Variants in DMRTC1 observed in about 807,000 individuals in gnomAD.
The protein encoded by DMRTC1 is doublesex- and mab-3-related transcription factor C1.
For synonymous variants in DMRTC1, 7 were observed against 14.1 expected (o/e 0.50, Z 1.13); for missense variants, 9 against 34.6 (o/e 0.26, Z 1.86).
chrX:72,905,652 C>T lies in DMRTC1; in HGVS notation c.-94-29864G>A, dbSNP rs374813343. On this transcript the variant is annotated intron_variant, in intron 1 of 6. Transcript: ENST00000615063. ...CCTCCCGAGTAGCTGGGACTGCAGG[C>T]GCCCACGCCCGGCTAATTTTTTGTA... 2.9e-4 allele frequency among the ~76,000 whole-genome samples: 17 copies of T among 57,751 alleles called. No individual in the cohort carries two copies. The East Asian group carries it at 5.2e-3, about 18-fold the overall frequency. 50.1% of individuals were successfully genotyped at this position (57,751 alleles called of 115,157 possible). A position where few individuals can be genotyped will look rare whatever the true frequency, so the allele number is the denominator to read the frequency against.
intron 1 of DMRTC1, among the ~76,000 whole-genome samples, chrX:72,905,966 G>A (rs1556354750): frequency 9.0e-6 from 1 of 110,547 alleles, no homozygotes; most frequent in East Asian, 2.8e-4. Flanking sequence ...TTTTTGAAAA[G>A]ATAAACAAAA....
chrX:72,882,123 C>G (rs1226322536), intron 1 of DMRTC1, among the ~76,000 whole-genome samples: 15 of 79,476 alleles, frequency 1.9e-4, no homozygotes, highest in African/African-American at 7.0e-4. Flanking sequence ...TTGATTATTA[C>G]TTTGTTGGTT....
intron 1 of DMRTC1, among the ~76,000 whole-genome samples, chrX:72,916,421 T>C (rs1338927557): frequency 9.4e-6 from 1 of 106,048 alleles, no homozygotes; most frequent in African/African-American, 4.0e-5. Context: ...GGAGACACTG[T>C]ACTTGCAGTC....
intron 1 of DMRTC1, chrX:72,913,095 G>T (rs1306835671): frequency 2.1e-6 from 1 of 484,495 alleles, no homozygotes. Context: ...AAGTGCTTCA[G>T]GCGAGAGCTC....
rs1556351465 is a variant in DMRTC1, at chrX:72,874,890, C to A, written c.192G>T (p.Val64=). 8.1e-6 allele frequency: 2 copies of A among 246,015 alleles called. No homozygotes were observed. The highest frequency in any genetic ancestry group is 1.4e-4 in the South Asian group (2 of 14,599). 20.3% of individuals were successfully genotyped at this position (246,015 alleles called of 1,213,427 possible). ...PEPLSLPCTP[V]TLEQQLVSPS... is the part of the protein sequence containing the mutation. Reference sequence around the variant, plus strand: ...GAGAAACCAGTTGCTGCTCCAAGGTCACTGGAGTACAGGGCAGAGACAAAG... The same window carrying A: ...GAGAAACCAGTTGCTGCTCCAAGGTAACTGGAGTACAGGGCAGAGACAAAG... Residue 64 remains valine, a synonymous_variant, in exon 4 of 7, where the codon GTG becomes GTT. Transcript: ENST00000615063.
In DMRTC1 at chrX:72,905,973, A is replaced by T. The variant is rs1458882548; in HGVS notation, c.-94-30185T>A. On this transcript the variant is annotated intron_variant, in intron 1 of 6. Transcript: ENST00000615063. The stretch of plus-strand genomic sequence containing the variant: ...GAGTTGGTTTTTTGAAAAGATAAAC[A>T]AAATTAACAAACCTTTAGCCAGACT... 3.6e-5 allele frequency among the ~76,000 whole-genome samples: 4 copies of T among 109,930 alleles called. No homozygotes were observed. The Middle Eastern group carries it at 0.014, about 387-fold the overall frequency.
chrX:72,902,905 C>A (rs2054912146), intron 1 of DMRTC1, among the ~76,000 whole-genome samples: 1 of 63,081 alleles, frequency 1.6e-5, no homozygotes, highest in Non-Finnish European at 2.6e-5. Flanking sequence ...CAAAACCAGA[C>A]AAAGACACAC....
At chrX:72,913,528 C>G (rs2054968912) in intron 1 of DMRTC1, 1 of 403,278 alleles carries the variant, frequency 2.5e-6, no homozygotes, top group African/African-American at 2.8e-5. Flanking sequence ...GCTGTCTGCC[C>G]TCCTCGAGGC....
chrX:72,874,436 A>T (rs1217413662), intron 4 of DMRTC1, among the ~76,000 whole-genome samples: 14 of 40,714 alleles, frequency 3.4e-4, no homozygotes, highest in Non-Finnish European at 4.4e-4. Flanking sequence ...GTGGCATAAC[A>T]ACCCCCATTT....
chrX:72,906,115 G>A (rs1442963642), intron 1 of DMRTC1, among the ~76,000 whole-genome samples: 3 of 68,806 alleles, frequency 4.4e-5, no homozygotes, highest in African/African-American at 6.2e-5. Flanking sequence ...GAACAATTAC[G>A]CAGCAATAAA....
chrX:72,872,279 G>T lies in DMRTC1; in HGVS notation c.*173C>A. The T allele has an allele frequency of 6.5e-6, 2 of 306,823 alleles. No individual in the cohort carries two copies. The highest frequency in any genetic ancestry group is 1.0e-5 in the Non-Finnish European group (2 of 196,488). The allele number at this position is 306,823 out of a possible 1,213,427, so 25.3% of individuals were successfully genotyped here. On this transcript the variant is annotated 3_prime_UTR_variant, in exon 7 of 7. Coordinates refer to ENST00000615063, the MANE Select transcript of DMRTC1 (RefSeq NM_033053.3). ...GCATCCAAAAGAGTAAGGGACAGAG[G>T]TACAAGAATATCCACCCTCAGCCAA... is the stretch of plus-strand genomic sequence containing the variant.
At chrX:72,912,557 A>AG (rs1195795985) in intron 1 of DMRTC1, 14 of 261,816 alleles carry the variant, frequency 5.3e-5, no homozygotes, top group Non-Finnish European at 7.8e-5. Flanking sequence ...ACCAGGCTGT[A>AG]GGGGGGGAGG....
chrX:72,880,446 AT>A (rs2054844123), intron 1 of DMRTC1, among the ~76,000 whole-genome samples: 1 of 3,629 alleles, frequency 2.8e-4, no homozygotes, highest in Admixed American at 1.7e-3. Flanking sequence ...TGGTGTATTA[AT>A]TTTTTTGTGT....
chrX:72,872,766 G>A (rs1176673280), intron 6 of DMRTC1, among the ~76,000 whole-genome samples: 2 of 90,606 alleles, frequency 2.2e-5, no homozygotes, highest in African/African-American at 9.1e-5. Context: ...TCAAGCTCAG[G>A]GTCTCTGAAA....
intron 1 of DMRTC1, among the ~76,000 whole-genome samples, chrX:72,913,554 T>C (rs1253733286): frequency 4.8e-5 from 5 of 103,730 alleles, no homozygotes; most frequent in African/African-American, 1.8e-4. Context: ...TGCTTGTTAC[T>C]AGGTCCTGGT....
chrX:72,913,506 T>G (rs1167415524), intron 1 of DMRTC1: 3 of 411,087 alleles, frequency 7.3e-6, no homozygotes, highest in Non-Finnish European at 1.3e-5. Flanking sequence ...GCATCTTCCT[T>G]AGCCCTGTTA....
chrX:72,880,073 T>C (rs1276797473), intron 1 of DMRTC1, among the ~76,000 whole-genome samples: 1 of 24,229 alleles, frequency 4.1e-5, no homozygotes, highest in Admixed American at 4.8e-4. Flanking sequence ...GTATATTTTG[T>C]AGAGACGGGG....
intron 1 of DMRTC1, chrX:72,912,912 TTA>T (rs1396615688): frequency 1.7e-6 from 1 of 589,678 alleles, no homozygotes; most frequent in African/African-American, 2.4e-5. Flanking sequence ...TAGGATCCAG[TTA>T]TTTAGTCTGT....
At chrX:72,905,945 T>C (rs1417600616) in intron 1 of DMRTC1, among the ~76,000 whole-genome samples, 2 of 109,792 alleles carry the variant, frequency 1.8e-5, no homozygotes, top group East Asian at 5.7e-4. Context: ...TCAGTGAAAA[T>C]AAGAGTTGGT....
Sources: allele counts gnomAD v4.1 joint callset (sites outside exome capture counted in the v4.1 genomes callset), GRCh38; gene constraint gnomAD v4.1.1; transcripts MANE v1.5; gene names NCBI Gene and HGNC (gene_info 2026-07-23, HGNC 2026-07-21).